HSD17B6: variants seen among roughly 807,000 people sequenced by gnomAD.
HSD17B6 encodes 17-beta-hydroxysteroid dehydrogenase type 6.
Under a neutral mutation model 26.4 loss-of-function variants are expected in HSD17B6, and 16 were observed. The ratio of observed to expected loss-of-function variants is 0.61; its 90% confidence interval spans 0.41 to 0.92. HSD17B6 has a LOEUF of 0.92. Among genes scored for constraint, HSD17B6 ranks in the 40% least tolerant of loss-of-function variants. The pLI is 0.00. For synonymous variants in HSD17B6, 139 were observed against 153.0 expected (o/e 0.91, Z 0.68); for missense variants, 357 against 386.1 (o/e 0.92, Z 0.63).
At chr12:56,780,056 T>C (rs1183239081) in intron 2 of HSD17B6, among the ~76,000 whole-genome samples, 1 of 152,238 alleles carries the variant, frequency 6.6e-6, no homozygotes, top group East Asian at 1.9e-4. Flanking sequence ...GTTGTTCATG[T>C]CTTGATAAGT....
chr12:56,787,565 C>CT lies in HSD17B6; in HGVS notation c.*224dup. The stretch of plus-strand genomic sequence containing the variant: ...CTATTTTAGCCCTTTTTTGATGAGA[C>CT]TATTTGTCTAAAGTGAATCATTTGT... On this transcript the variant is annotated 3_prime_UTR_variant, in exon 5 of 5. Coordinates refer to ENST00000322165, the MANE Select transcript of HSD17B6 (RefSeq NM_003725.4). 1 of 528,792 alleles carries CT rather than the reference C, an allele frequency of 1.9e-6. No homozygotes were observed. Among genetic ancestry groups the CT allele is most frequent in the South Asian group, 2.3e-5 (1 of 42,906 alleles). The allele number at this position is 528,792 out of a possible 1,614,324, so 32.8% of individuals were successfully genotyped here.
chr12:56,784,362 G>A (rs1226037717), intron 3 of HSD17B6, among the ~76,000 whole-genome samples: 3 of 152,176 alleles, frequency 2.0e-5, no homozygotes, highest in African/African-American at 4.8e-5. Context: ...CCGAGATCAC[G>A]CCACTGCACT....
chr12:56,781,711 G>A (rs2137924737), intron 2 of HSD17B6, among the ~76,000 whole-genome samples: 1 of 152,328 alleles, frequency 6.6e-6, no homozygotes, highest in African/African-American at 2.4e-5. Flanking sequence ...CTGAGGGCAG[G>A]AGAATTGCTT....
At chr12:56,763,598 G>A (rs990451817) in intron 1 of HSD17B6, among the ~76,000 whole-genome samples, 184 bp downstream of exon 1, 4 of 151,972 alleles carry the variant, frequency 2.6e-5, no homozygotes, top group African/African-American at 9.7e-5. Context: ...TGCTTGCTCT[G>A]CTTTTTTGAT....
intron 3 of HSD17B6, among the ~76,000 whole-genome samples, chr12:56,783,055 A>C (rs1247444323): frequency 1.7e-4 from 26 of 151,972 alleles, no homozygotes; most frequent in African/African-American, 6.3e-4. Flanking sequence ...CTACACAGAC[A>C]CGGCAACCAT....
At chr12:56,771,448 A>ATT (rs35374137) in intron 1 of HSD17B6, among the ~76,000 whole-genome samples, 145 of 93,316 alleles carry the variant, frequency 1.6e-3, no homozygotes, top group African/African-American at 2.6e-3. Flanking sequence ...AAGGGTTGCA[A>ATT]TTTTTTTTTT....
In HSD17B6 at chr12:56,775,334, C is replaced by T. The variant is rs561185131; in HGVS notation, c.313+1169C>T. On this transcript the variant is annotated intron_variant, in intron 2 of 4. Coordinates refer to ENST00000322165, the MANE Select transcript of HSD17B6 (RefSeq NM_003725.4). The stretch of plus-strand genomic sequence containing the variant: ...CTGGGCTCAAGCAATCTTCCTGCCT[C>T]ACCCTTTCAATTAGCTGGGATTAGA... Among the ~76,000 whole-genome samples, 99 of 152,284 alleles carry T rather than the reference C, an allele frequency of 6.5e-4. 1 individual carries two copies. The highest frequency in any genetic ancestry group is 3.4e-3 in the Middle Eastern group (1 of 294).
intron 3 of HSD17B6, among the ~76,000 whole-genome samples, chr12:56,783,601 C>G (rs1312099068): frequency 7.0e-6 from 1 of 142,414 alleles, no homozygotes; most frequent in Non-Finnish European, 1.6e-5. Context: ...CTGACCCCCC[C>G]ACCTCCCTCC....
chr12:56,779,955 CT>C (rs1204367241), intron 2 of HSD17B6, among the ~76,000 whole-genome samples: 10 of 151,954 alleles, frequency 6.6e-5, no homozygotes, highest in African/African-American at 1.9e-4. Context: ...TACCCTCATT[CT>C]TGAAAGATAA....
intron 2 of HSD17B6, among the ~76,000 whole-genome samples, chr12:56,777,670 T>G (rs1954623398): frequency 6.6e-6 from 1 of 152,120 alleles, no homozygotes; most frequent in South Asian, 2.1e-4. Flanking sequence ...GCCCAAAGTG[T>G]AAATTTTTTA....
chr12:56,783,545 A>AC (rs1280436272), intron 3 of HSD17B6, among the ~76,000 whole-genome samples: 38 of 75,700 alleles, frequency 5.0e-4, no homozygotes, highest in South Asian at 4.0e-3. Flanking sequence ...GGGGGGCTGA[A>AC]CCCCCCCCAC....
intron 1 of HSD17B6, among the ~76,000 whole-genome samples, chr12:56,767,722 CATATATA>C (rs1466683374): frequency 5.7e-5 from 8 of 141,398 alleles, no homozygotes; most frequent in Non-Finnish European, 1.1e-4. Flanking sequence ...TATATACACA[CATATATA>C]ATATATATGT....
Position 56,787,530 on chromosome 12 carries a change from T to C in HSD17B6, c.*188T>C. 3 of 580,544 alleles carry C rather than the reference T, an allele frequency of 5.2e-6. No homozygotes were observed. The highest frequency in any genetic ancestry group is 9.1e-6 in the Non-Finnish European group (3 of 329,002). The allele number at this position is 580,544 out of a possible 1,614,324, so 36.0% of individuals were successfully genotyped here. A position where few individuals can be genotyped will look rare whatever the true frequency, so the allele number is the denominator to read the frequency against. On this transcript the variant is annotated 3_prime_UTR_variant, in exon 5 of 5. Coordinates refer to ENST00000322165, the MANE Select transcript of HSD17B6 (RefSeq NM_003725.4). ...ATCCAAAGCTTACCACTTTAGGTGATGAATCTTTACTATTTTAGCCCTTTT... is the reference window on the plus strand; with the variant it reads ...ATCCAAAGCTTACCACTTTAGGTGACGAATCTTTACTATTTTAGCCCTTTT...
chr12:56,777,801 T>G (rs896666692), intron 2 of HSD17B6, among the ~76,000 whole-genome samples: 1 of 152,154 alleles, frequency 6.6e-6, no homozygotes, highest in African/African-American at 2.4e-5. Context: ...GTGGGAGGAT[T>G]GCTTGAGCCC....
chr12:56,782,894 C>G (rs1954756838), intron 3 of HSD17B6, among the ~76,000 whole-genome samples: 1 of 151,998 alleles, frequency 6.6e-6, no homozygotes, highest in Non-Finnish European at 1.5e-5. Flanking sequence ...ACATCTTGCA[C>G]CGCCCTTAAT....
intron 2 of HSD17B6, among the ~76,000 whole-genome samples, chr12:56,779,670 A>C (rs981210518): frequency 6.6e-6 from 1 of 152,218 alleles, no homozygotes; most frequent in African/African-American, 2.4e-5. Flanking sequence ...TCTCCTGAGT[A>C]ATCCAAGGCC....
In HSD17B6 at chr12:56,777,306, T is replaced by C. The variant is rs1019856111; in HGVS notation, c.313+3141T>C. On this transcript the variant is annotated intron_variant, in intron 2 of 4. Transcript: ENST00000322165. ...ACATGAGGTTTCTCCATGTTGCCCATGTTGGTCTCAGACTCCTGGGCTCAA... is the reference window on the plus strand; with the variant it reads ...ACATGAGGTTTCTCCATGTTGCCCACGTTGGTCTCAGACTCCTGGGCTCAA... 2.0e-5 allele frequency among the ~76,000 whole-genome samples: 3 copies of C among 152,100 alleles called. No homozygotes were observed. The East Asian group carries it at 5.8e-4, about 29-fold the overall frequency.
At chr12:56,766,218 CTT>C (rs1954325619) in intron 1 of HSD17B6, among the ~76,000 whole-genome samples, 1 of 152,170 alleles carries the variant, frequency 6.6e-6, no homozygotes, top group Non-Finnish European at 1.5e-5. Flanking sequence ...TGCTGACTCT[CTT>C]TTCGGACTCA....
intron 4 of HSD17B6, among the ~76,000 whole-genome samples, chr12:56,786,860 C>G (rs1364859714): frequency 6.6e-6 from 1 of 151,212 alleles, no homozygotes; most frequent in Non-Finnish European, 1.5e-5. Context: ...AAAGAAACCC[C>G]AAAAAACAAC....
Sources: allele counts gnomAD v4.1 joint callset (sites outside exome capture counted in the v4.1 genomes callset), GRCh38; gene constraint gnomAD v4.1.1; transcripts MANE v1.5; gene names NCBI Gene and HGNC (gene_info 2026-07-23, HGNC 2026-07-21).